ADAM20: variants seen among roughly 807,000 people sequenced by gnomAD.
ADAM20 encodes ADAM metallopeptidase domain 20, also known as disintegrin and metalloproteinase domain-containing protein 20.
For synonymous variants in ADAM20, 305 were observed against 310.2 expected (o/e 0.98, Z 0.18); for missense variants, 871 against 883.2 (o/e 0.99, Z 0.18).
the ADAM20 span, among the ~76,000 whole-genome samples, chr14:70,572,568 C>T: frequency 3.9e-5 from 6 of 152,038 alleles, no homozygotes; most frequent in Non-Finnish European, 5.9e-5. Flanking sequence ...ACCTCAAAAA[C>T]AAATGCAACA....
chr14:70,567,727 C>A, the ADAM20 span, among the ~76,000 whole-genome samples: 262 of 152,072 alleles, frequency 1.7e-3, 1 homozygote, highest in Middle Eastern at 3.4e-3. Context: ...AGTTGCCTGC[C>A]CTGAACTGGG....
the ADAM20 span, among the ~76,000 whole-genome samples, chr14:70,544,611 A>C: frequency 6.6e-6 from 1 of 152,168 alleles, no homozygotes; most frequent in South Asian, 2.1e-4. Context: ...ATAAAATAAA[A>C]ACTAAGAATG....
chr14:70,558,490 T>C, the ADAM20 span, among the ~76,000 whole-genome samples: 1 of 150,856 alleles, frequency 6.6e-6, no homozygotes, highest in Non-Finnish European at 1.5e-5. Flanking sequence ...TGTATGAATG[T>C]GTGTGTGTGT....
intron 1 of ADAM20, among the ~76,000 whole-genome samples, chr14:70,525,607 T>C (rs1323687284): frequency 6.6e-6 from 1 of 152,168 alleles, no homozygotes; most frequent in African/African-American, 2.4e-5. Flanking sequence ...ATTCAATAAG[T>C]ATATGGACAA....
In ADAM20 at chr14:70,522,791, T is replaced by C; in HGVS notation, c.1967A>G (p.His656Arg). The C allele has an allele frequency of 6.2e-7, 1 of 1,614,066 alleles. No homozygotes were observed. Among genetic ancestry groups the C allele is most frequent in the South Asian group, 1.1e-5 (1 of 91,086 alleles). The change falls in exon 2 of 2, where the codon CAT becomes CGT. Residue 656 changes from histidine to arginine, a missense_variant. By Grantham distance (29) the His-to-Arg change is conservative. Coordinates refer to ENST00000256389, the MANE Select transcript of ADAM20 (RefSeq NM_003814.5). ...CTTGCAGTATGGGGGTGCCCATTCA[T>C]GGTTGCAGTGACAGTGTTGTTTGTT... ...CNNKQHCHCN[H>R]EWAPPYCKDK... is the part of the protein sequence containing the mutation.
At chr14:70,573,893 CAA>C in the ADAM20 span, among the ~76,000 whole-genome samples, 1 of 152,078 alleles carries the variant, frequency 6.6e-6, no homozygotes, top group East Asian at 1.9e-4. Context: ...ATTAATAGAA[CAA>C]AGAGGAAAGT....
At chr14:70,570,543 A>G in the ADAM20 span, among the ~76,000 whole-genome samples, 293 of 152,310 alleles carry the variant, frequency 1.9e-3, 4 homozygotes, top group African/African-American at 6.8e-3. Flanking sequence ...ATATTCCTGG[A>G]AAAACACAAC....
chr14:70,534,117 C>G lies in ADAM20; in HGVS notation c.-177+680G>C, dbSNP rs543429694. Among the ~76,000 whole-genome samples, 62 of 144,482 alleles carry G rather than the reference C, an allele frequency of 4.3e-4. No homozygotes were observed. The South Asian group carries it at 0.013, about 31-fold the overall frequency. The allele number at this position is 144,482 out of a possible 152,430, so 94.8% of individuals were successfully genotyped here. A position where few individuals can be genotyped will look rare whatever the true frequency, so the allele number is the denominator to read the frequency against. ...AAAAAAAAAAAAAAAAACACACACA[C>G]ACACACACGCACACAAAAACACTTA... On this transcript the variant is annotated intron_variant, in intron 1 of 1. Transcript: ENST00000256389.
the ADAM20 span, chr14:70,556,223 A>AT: frequency 6.6e-6 from 1 of 152,362 alleles, no homozygotes; most frequent in East Asian, 1.9e-4. Flanking sequence ...ATTCCCCAGA[A>AT]TTTTCCCAGG....
At chr14:70,527,394 T>C (rs1883612927) in intron 1 of ADAM20, among the ~76,000 whole-genome samples, 1 of 152,126 alleles carries the variant, frequency 6.6e-6, no homozygotes, top group Non-Finnish European at 1.5e-5. Flanking sequence ...CCTTCATTAC[T>C]TTCTCTTTAT....
At chr14:70,577,358 A>C in the ADAM20 span, among the ~76,000 whole-genome samples, 1 of 152,182 alleles carries the variant, frequency 6.6e-6, no homozygotes, top group African/African-American at 2.4e-5. Context: ...TCATCTTATC[A>C]GAAGAAAAGA....
the ADAM20 span, among the ~76,000 whole-genome samples, chr14:70,544,130 G>A: frequency 1.8e-4 from 27 of 150,266 alleles, no homozygotes; most frequent in African/African-American, 6.6e-4. Context: ...TTTCAACCCC[G>A]CCATAAACTT....
upstream of ADAM20, among the ~76,000 whole-genome samples, chr14:70,538,526 T>G (rs1439180615): frequency 6.6e-6 from 1 of 152,248 alleles, no homozygotes; most frequent in Non-Finnish European, 1.5e-5. Context: ...AAATCTTGTT[T>G]TCCTGGAAAA....
At chr14:70,554,925 T>C in the ADAM20 span, among the ~76,000 whole-genome samples, 1 of 152,166 alleles carries the variant, frequency 6.6e-6, no homozygotes, top group Non-Finnish European at 1.5e-5. Flanking sequence ...GGCCCGAGCA[T>C]GGGGGCTCAA....
At chr14:70,562,900 T>C in the ADAM20 span, among the ~76,000 whole-genome samples, 1 of 152,206 alleles carries the variant, frequency 6.6e-6, no homozygotes, top group Non-Finnish European at 1.5e-5. Context: ...AACTTCTGAA[T>C]AAATGGAGAA....
At chr14:70,562,662 A>G in the ADAM20 span, among the ~76,000 whole-genome samples, 1 of 152,118 alleles carries the variant, frequency 6.6e-6, no homozygotes, top group Non-Finnish European at 1.5e-5. Flanking sequence ...CACAAGATCA[A>G]TGGTTTAACA....
the ADAM20 span, among the ~76,000 whole-genome samples, chr14:70,546,932 A>T: frequency 6.6e-6 from 1 of 152,192 alleles, no homozygotes; most frequent in Non-Finnish European, 1.5e-5. Flanking sequence ...TGAATAGTTA[A>T]GCAAAATTGA....
intron 1 of ADAM20, among the ~76,000 whole-genome samples, chr14:70,528,539 G>C (rs571225511): frequency 6.6e-6 from 1 of 152,280 alleles, no homozygotes; most frequent in South Asian, 2.1e-4. Flanking sequence ...CATATGTCCA[G>C]GTAGAATTGG....
the ADAM20 span, among the ~76,000 whole-genome samples, chr14:70,578,216 A>G: frequency 6.6e-6 from 1 of 152,160 alleles, no homozygotes; most frequent in African/African-American, 2.4e-5. Flanking sequence ...GATCTTTGAC[A>G]AAGTCAACAA....
Sources: allele counts gnomAD v4.1 joint callset (sites outside exome capture counted in the v4.1 genomes callset), GRCh38; gene constraint gnomAD v4.1.1; transcripts MANE v1.5; gene names NCBI Gene and HGNC (gene_info 2026-07-23, HGNC 2026-07-21).